The following EXOC2 variants were observed in gnomAD, a reference collection of about 807,000 sequenced individuals.
EXOC2 encodes the protein SEC5-like 1.
In EXOC2, 70 loss-of-function variants were observed where a neutral mutation model predicts 131.8. The ratio of observed to expected loss-of-function variants is 0.53; its 90% confidence interval spans 0.44 to 0.65. The LOEUF is 0.65. Ranked by LOEUF, EXOC2 falls within the 30% of genes least tolerant of loss-of-function variation. EXOC2 has a pLI of 0.00. For missense variants in EXOC2, 923 were observed against 1,108.6 expected, an observed-to-expected ratio of 0.83 and a Z score of 2.38; for synonymous variants, 411 against 398.4, an observed-to-expected ratio of 1.03 and a Z score of -0.38.
At chr6:593,573 A>G (rs759920947) in intron 10 of EXOC2, among the ~76,000 whole-genome samples, 2 of 152,252 alleles carry the variant, frequency 1.3e-5, no homozygotes, top group South Asian at 2.1e-4. Context: ...TTTCTGTCAA[A>G]TATTATTTAA....
intron 1 of EXOC2, among the ~76,000 whole-genome samples, chr6:640,792 C>A (rs1235399674): frequency 1.3e-5 from 2 of 152,090 alleles, no homozygotes; most frequent in Non-Finnish European, 2.9e-5. Flanking sequence ...CTTCTAGCTT[C>A]CAAAAGGGTG....
In EXOC2 at chr6:513,687, G is replaced by A. The variant is rs116332950; in HGVS notation, c.2381-13987C>T. 8.6e-3 allele frequency among the ~76,000 whole-genome samples: 1,305 copies of A among 152,194 alleles called. 17 individuals carry two copies. The highest frequency in any genetic ancestry group is 0.029 in the African/African-American group (1,190 of 41,512). ...GACAGCAATTTCAAAAAAGAAAAAT[G>A]GGTTTTCAGATATATTACATTTATG... On this transcript the variant is annotated intron_variant, in intron 23 of 27. Coordinates refer to ENST00000230449, the MANE Select transcript of EXOC2 (RefSeq NM_018303.6).
intron 21 of EXOC2, among the ~76,000 whole-genome samples, chr6:549,638 AC>A (rs796826933): frequency 2.4e-4 from 37 of 152,346 alleles, no homozygotes; most frequent in African/African-American, 8.9e-4. Flanking sequence ...TATATTGTTT[AC>A]TTAATACTTT....
At chr6:599,448 C>CTATT (rs1297565886) in intron 7 of EXOC2, among the ~76,000 whole-genome samples, 2 of 152,116 alleles carry the variant, frequency 1.3e-5, no homozygotes, top group African/African-American at 4.8e-5. Flanking sequence ...TAAAAAGCAC[C>CTATT]ATATTTACCA....
chr6:500,170 G>A (rs1472339948), intron 23 of EXOC2, among the ~76,000 whole-genome samples: 2 of 152,098 alleles, frequency 1.3e-5, no homozygotes, highest in Non-Finnish European at 2.9e-5. Flanking sequence ...CTTATAAAAT[G>A]CACATTAAAT....
intron 23 of EXOC2, among the ~76,000 whole-genome samples, chr6:518,719 G>A (rs1188181102): frequency 6.6e-6 from 1 of 152,072 alleles, no homozygotes; most frequent in Non-Finnish European, 1.5e-5. Context: ...GAAAATATCT[G>A]AAAACAAGCA....
intron 1 of EXOC2, among the ~76,000 whole-genome samples, chr6:642,786 A>G (rs1414494763): frequency 6.6e-6 from 1 of 152,198 alleles, no homozygotes; most frequent in African/African-American, 2.4e-5. Flanking sequence ...AGTAGGTAGA[A>G]GATATTTGAA....
intron 13 of EXOC2, among the ~76,000 whole-genome samples, chr6:567,539 T>C (rs1758033695): frequency 6.6e-6 from 1 of 152,230 alleles, no homozygotes; most frequent in Admixed American, 6.5e-5. Context: ...TTGGTGACTT[T>C]TATTTATATT....
chr6:571,674 T>C (rs1466272342), intron 13 of EXOC2, among the ~76,000 whole-genome samples: 1 of 152,178 alleles, frequency 6.6e-6, no homozygotes, highest in Non-Finnish European at 1.5e-5. Context: ...ATTTTGTGTG[T>C]TGCCAAGTCA....
chr6:496,099 TTA>T (rs61539421), intron 25 of EXOC2, among the ~76,000 whole-genome samples: 7,751 of 152,228 alleles, frequency 0.051, 261 homozygotes, highest in East Asian at 0.16. Context: ...ACCTACTGAT[TTA>T]TGAGGAGCGC....
At chr6:570,992 A>T (rs1480725768) in intron 13 of EXOC2, among the ~76,000 whole-genome samples, 1 of 152,208 alleles carries the variant, frequency 6.6e-6, no homozygotes, top group Non-Finnish European at 1.5e-5. Flanking sequence ...CAGCTCACCC[A>T]GCTGAGATCA....
chr6:682,349 A>G (rs1387507747), intron 1 of EXOC2, among the ~76,000 whole-genome samples: 4 of 151,708 alleles, frequency 2.6e-5, no homozygotes, highest in African/African-American at 4.8e-5. Flanking sequence ...ACAGGCAACC[A>G]CTACCACGCC....
rs149167881 is a variant in EXOC2 at position 504,848 on chromosome 6, C to T, written c.2381-5148G>A. Reference sequence around the variant, plus strand: ...AAAGTGGGCAAAACAGACAGGACCCCCCACCCTAAGAGAGCTTACAGGTCA... The same window carrying T: ...AAAGTGGGCAAAACAGACAGGACCCTCCACCCTAAGAGAGCTTACAGGTCA... On this transcript the variant is annotated intron_variant, in intron 23 of 27. Coordinates refer to ENST00000230449, the MANE Select transcript of EXOC2 (RefSeq NM_018303.6). Among the ~76,000 whole-genome samples the T allele has an allele frequency of 2.4e-4, 36 of 152,272 alleles. No individual in the cohort carries two copies. In the East Asian group the frequency reaches 4.0e-3, roughly 17 times the overall value.
chr6:610,085 G>A lies in EXOC2; in HGVS notation c.742+13C>T, dbSNP rs753614974. On this transcript the variant is annotated intron_variant, in intron 7 of 27. Coordinates refer to ENST00000230449, the MANE Select transcript of EXOC2 (RefSeq NM_018303.6). ...AATCCATAAATAGTTCTGGGTAGTAGGACAAAACTTACTGTTCAGAACATT... is the reference window on the plus strand; with the variant it reads ...AATCCATAAATAGTTCTGGGTAGTAAGACAAAACTTACTGTTCAGAACATT... 4.3e-6 allele frequency: 7 copies of A among 1,611,642 alleles called. No homozygotes were observed. The Admixed American group carries it at 6.7e-5, about 15-fold the overall frequency.
chr6:492,774 A>C (rs1392068944), intron 25 of EXOC2, among the ~76,000 whole-genome samples: 11 of 152,222 alleles, frequency 7.2e-5, no homozygotes, highest in African/African-American at 1.9e-4. Context: ...GATTAGACTT[A>C]ATGGGTCAGG....
rs201724012 is a variant in EXOC2 at position 610,084 on chromosome 6, A to G, written c.742+14T>C. 4.8e-5 allele frequency: 78 copies of G among 1,611,208 alleles called. No individual in the cohort carries two copies. Among genetic ancestry groups the G allele is most frequent in the East Asian group, 4.5e-4 (20 of 44,856 alleles). ...AAATCCATAAATAGTTCTGGGTAGTAGGACAAAACTTACTGTTCAGAACAT... is the reference window on the plus strand; with the variant it reads ...AAATCCATAAATAGTTCTGGGTAGTGGGACAAAACTTACTGTTCAGAACAT... On this transcript the variant is annotated intron_variant, in intron 7 of 27. Coordinates refer to ENST00000230449, the MANE Select transcript of EXOC2 (RefSeq NM_018303.6).
chr6:541,959 T>TA, intron 22 of EXOC2, among the ~76,000 whole-genome samples: 1 of 152,322 alleles, frequency 6.6e-6, no homozygotes, highest in Admixed American at 6.5e-5. Flanking sequence ...ACCTACATGC[T>TA]ACAACATGGA....
chr6:628,450 GAT>G (rs777714894), intron 4 of EXOC2, among the ~76,000 whole-genome samples: 4 of 152,220 alleles, frequency 2.6e-5, no homozygotes, highest in South Asian at 2.1e-4. Flanking sequence ...ATAATAAAGA[GAT>G]TCAAAGGCTG....
intron 11 of EXOC2, among the ~76,000 whole-genome samples, chr6:583,157 A>T (rs2127611224): frequency 6.6e-6 from 1 of 152,360 alleles, no homozygotes; most frequent in South Asian, 2.1e-4. Flanking sequence ...TGCTTAGAAC[A>T]TATAAAGGAA....
Sources: allele counts gnomAD v4.1 joint callset (sites outside exome capture counted in the v4.1 genomes callset), GRCh38; gene constraint gnomAD v4.1.1; transcripts MANE v1.5; gene names NCBI Gene and HGNC (gene_info 2026-07-23, HGNC 2026-07-21).